Variants in DOK7 observed in about 807,000 individuals in gnomAD.
DOK7 encodes the protein protein Dok-7.
DOK7 carries 32 observed loss-of-function variants against 30.7 expected under a neutral mutation model. The ratio of observed to expected loss-of-function variants is 1.04; its 90% confidence interval spans 0.79 to 1.40. DOK7 has a LOEUF of 1.40. Among genes scored for constraint, DOK7 ranks in the 40% most tolerant of loss-of-function variants. DOK7 has a pLI of 0.00. For missense variants in DOK7, 1,007 were observed against 699.2 expected (o/e 1.44, Z -4.97); for synonymous variants, 447 against 324.1 (o/e 1.38, Z -4.07).
intron 4 of DOK7, among the ~76,000 whole-genome samples, chr4:3,481,520 G>T (rs1343209527): frequency 6.6e-6 from 1 of 152,114 alleles, no homozygotes; most frequent in Non-Finnish European, 1.5e-5. Context: ...AACACCCACT[G>T]CCAGGCTCCA....
chr4:3,472,208 G>C (rs1726801066), intron 2 of DOK7, among the ~76,000 whole-genome samples: 1 of 152,268 alleles, frequency 6.6e-6, no homozygotes, highest in African/African-American at 2.4e-5. Flanking sequence ...TGAGCACCAT[G>C]TCTGCTCTGG....
In DOK7 at chr4:3,476,426, T is replaced by C. The variant is rs1398727332; in HGVS notation, c.416T>C (p.Val139Ala). The C allele has an allele frequency of 6.2e-7, 1 of 1,613,414 alleles. No homozygotes were observed. The highest frequency in any genetic ancestry group is 1.3e-5 in the African/African-American group (1 of 74,872). ...CTGCACCTCTGCAATGATGTCCTCGTCTTGGCCAGGGACATCCCCCCGGCT... is the reference window on the plus strand; with the variant it reads ...CTGCACCTCTGCAATGATGTCCTCGCCTTGGCCAGGGACATCCCCCCGGCT... ...ATLHLCNDVL[V>A]LARDIPPAVT... The change falls in exon 4 of 7, where the codon GTC (valine) becomes GCC (alanine). Residue 139 changes from valine to alanine, a missense_variant. Transcript: ENST00000340083.
At chr4:3,469,486 G>A (rs1381282753) in intron 2 of DOK7, among the ~76,000 whole-genome samples, 3 of 152,152 alleles carry the variant, frequency 2.0e-5, no homozygotes, top group Admixed American at 6.5e-5. Flanking sequence ...CGGAGGGTGG[G>A]TGAGCAGGGC....
intron 2 of DOK7, among the ~76,000 whole-genome samples, chr4:3,469,213 CTGTGTGAGTGTGCGTG>C (rs1192305572): frequency 6.6e-6 from 1 of 150,542 alleles, no homozygotes; most frequent in Non-Finnish European, 1.5e-5. Flanking sequence ...GTGTGTGCCT[CTGTGTGAGTGTGCGTG>C]TGTGCCTGCT....
At chr4:3,485,157 G>A (rs1727684758) in intron 4 of DOK7, among the ~76,000 whole-genome samples, 2 of 152,204 alleles carry the variant, frequency 1.3e-5, no homozygotes, top group South Asian at 4.1e-4. Flanking sequence ...AGCCCGGAAG[G>A]CAGGTATGTG....
At chr4:3,497,896 T>G (rs538154564), downstream of DOK7, among the ~76,000 whole-genome samples, 199 of 152,256 alleles carry the variant, frequency 1.3e-3, no homozygotes, top group African/African-American at 4.6e-3. Context: ...AGGGTCCTCC[T>G]GGGCAGCCTG....
rs544150053 is a variant in DOK7 at position 3,473,724 on chromosome 4, G to C, written c.331+88G>C. 6 of 1,269,824 alleles carry C rather than the reference G, an allele frequency of 4.7e-6. No homozygotes were observed. In the African/African-American group the frequency reaches 5.9e-5, roughly 13 times the overall value. 78.7% of individuals were successfully genotyped at this position (1,269,824 alleles called of 1,614,324 possible). On this transcript the variant is annotated intron_variant, in intron 3 of 6. Transcript: ENST00000340083. ...CAACGTGGGCTGCAGAGGTGGGAGC[G>C]GCTCCAGGGAACCGTGCAGGAAGAT...
intron 4 of DOK7, among the ~76,000 whole-genome samples, chr4:3,477,984 G>T (rs1727205120): frequency 6.6e-6 from 1 of 152,150 alleles, no homozygotes; most frequent in Non-Finnish European, 1.5e-5. Flanking sequence ...CAGTGGGTGG[G>T]CCCAGCGTCC....
intron 3 of DOK7, among the ~76,000 whole-genome samples, chr4:3,473,872 C>A (rs1239913183): frequency 6.6e-6 from 1 of 152,180 alleles, no homozygotes; most frequent in East Asian, 1.9e-4. Context: ...CCGTTAGTTA[C>A]AACTGGAGCC....
chr4:3,492,407 C>G (rs887204374), intron 6 of DOK7, among the ~76,000 whole-genome samples: 7 of 119,994 alleles, frequency 5.8e-5, no homozygotes, highest in Admixed American at 3.8e-4. Context: ...GGAAGGTAGT[C>G]GGGATGGCTG....
In DOK7 at chr4:3,483,328, G is replaced by GT. The variant is rs201351293; in HGVS notation, c.533-2211_533-2210insT. Among the ~76,000 whole-genome samples the GT allele has an allele frequency of 4.1e-3, 628 of 151,554 alleles. 9 individuals are homozygous for GT. The highest frequency in any genetic ancestry group is 0.013 in the East Asian group (64 of 5,060). ...GAGCTTTGAGCATTCCCAAGACCGGGGGGGGCTGGGTGGGAGCGGGGGTGG... is the reference window on the plus strand; with the variant it reads ...GAGCTTTGAGCATTCCCAAGACCGGGTGGGGGCTGGGTGGGAGCGGGGGTGG... On this transcript the variant is annotated intron_variant, in intron 4 of 6. Transcript: ENST00000340083.
chr4:3,478,500 TG>T (rs1727246420), intron 4 of DOK7, among the ~76,000 whole-genome samples: 1 of 140,502 alleles, frequency 7.1e-6, no homozygotes. Flanking sequence ...CAAACCAGGC[TG>T]GCCCCACAGA....
At chr4:3,496,825 G>T, downstream of DOK7, 1 of 1,535,862 alleles carries the variant, frequency 6.5e-7, no homozygotes, top group South Asian at 1.2e-5. Context: ...TCTAGGGAGC[G>T]GCAGCCTCAG....
intron 6 of DOK7, among the ~76,000 whole-genome samples, chr4:3,491,076 T>C: frequency 9.5e-6 from 1 of 104,972 alleles, no homozygotes; most frequent in Non-Finnish European, 1.8e-5. Context: ...ATTCCTTCCT[T>C]CTCCCCACTC....
At chr4:3,500,118 G>A (rs1055284003) in intron 6 of DOK7, 33 of 1,100,968 alleles carry the variant, frequency 3.0e-5, no homozygotes, top group Non-Finnish European at 3.7e-5. Flanking sequence ...CATGGAGCGG[G>A]AACTTCCAAG....
At chr4:3,473,667 G>A (rs1198943104) in intron 3 of DOK7, 31 bp downstream of exon 3, 13 of 1,515,176 alleles carry the variant, frequency 8.6e-6, no homozygotes, top group Non-Finnish European at 1.2e-5. Context: ...CCGGGCGGGG[G>A]CTCCCCGTTC....
At chr4:3,500,364 A>G (rs949028396) in exon 7 of DOK7, 13 of 1,535,548 alleles carry the variant, frequency 8.5e-6, no homozygotes, top group Middle Eastern at 1.7e-4. Context: ...GCTGCACTAC[A>G]TGGGCCTGGA....
In DOK7 at chr4:3,463,492, C is replaced by T. The variant is rs1223502507; in HGVS notation, c.55-14C>T. 1 of 1,511,450 alleles carries T rather than the reference C, an allele frequency of 6.6e-7. No homozygotes were observed. Among genetic ancestry groups the T allele is most frequent in the South Asian group, 1.2e-5 (1 of 81,904 alleles). 93.6% of individuals were successfully genotyped at this position (1,511,450 alleles called of 1,614,324 possible). On this transcript the variant is annotated splice_polypyrimidine_tract_variant and intron_variant, in intron 1 of 6. Coordinates refer to ENST00000340083, the MANE Select transcript of DOK7 (RefSeq NM_173660.5). ...GGCGCGGGCGGCGGCTCACGCTCCC[C>T]CCTGTCCCCGCAGTGGAAGAGTAGG...
chr4:3,474,555 C>G (rs1343279853), intron 3 of DOK7, among the ~76,000 whole-genome samples: 7 of 152,204 alleles, frequency 4.6e-5, no homozygotes, highest in Non-Finnish European at 1.0e-4. Flanking sequence ...GGTGCAGTGG[C>G]TCATGCCTGT....
Sources: gnomAD v4.1 joint callset for allele counts (sites outside exome capture counted in the v4.1 genomes callset) on GRCh38, gnomAD v4.1.1 for gene constraint, MANE v1.5 for transcripts, NCBI Gene and HGNC (gene_info 2026-07-23, HGNC 2026-07-21) for gene names.